The following ANKS1B variants were observed in gnomAD, a reference collection of about 807,000 sequenced individuals.
ANKS1B encodes the protein ankyrin repeat and sterile alpha motif domain containing 1B.
ANKS1B carries 36 observed loss-of-function variants against 148.3 expected under a neutral mutation model. The observed-to-expected ratio is 0.24, with a 90% CI of 0.19 to 0.32. ANKS1B has a LOEUF of 0.32. ANKS1B is among the 10% of genes least tolerant of loss of function. ANKS1B has a pLI of 1.00. For missense variants in ANKS1B, 1,157 were observed against 1,542.6 expected (o/e 0.75, Z 4.19); for synonymous variants, 542 against 560.8 (o/e 0.97, Z 0.47).
At chr12:99,946,756 T>C (rs1037702309) in intron 1 of ANKS1B, among the ~76,000 whole-genome samples, 5 of 152,124 alleles carry the variant, frequency 3.3e-5, no homozygotes, top group African/African-American at 9.7e-5. Context: ...AGCCCTTACA[T>C]GTTAACAGTT....
chr12:99,001,344 A>T (rs1292956057), intron 17 of ANKS1B, among the ~76,000 whole-genome samples: 1 of 151,904 alleles, frequency 6.6e-6, no homozygotes, highest in Non-Finnish European at 1.5e-5. Context: ...GCCCAGGATG[A>T]TCTCAAACTC....
At chr12:99,477,696 T>A (rs1250382940) in intron 10 of ANKS1B, among the ~76,000 whole-genome samples, 2 of 152,208 alleles carry the variant, frequency 1.3e-5, no homozygotes, top group African/African-American at 2.4e-5. Flanking sequence ...ATCATAGATA[T>A]TAAAATATAT....
chr12:99,525,712 T>A (rs956191251), intron 9 of ANKS1B, among the ~76,000 whole-genome samples: 4 of 152,184 alleles, frequency 2.6e-5, no homozygotes, highest in African/African-American at 9.6e-5. Flanking sequence ...TAATTCCTGA[T>A]AAAGATTTAA....
intron 19 of ANKS1B, among the ~76,000 whole-genome samples, chr12:98,810,347 C>T (rs991189375): frequency 2.0e-5 from 3 of 152,230 alleles, no homozygotes; most frequent in Admixed American, 6.5e-5. Context: ...CCACATGTTA[C>T]ATGCATGTTG....
chr12:99,123,680 CCGA>C (rs2063539398), intron 15 of ANKS1B, among the ~76,000 whole-genome samples: 1 of 152,100 alleles, frequency 6.6e-6, no homozygotes, highest in Non-Finnish European at 1.5e-5. Flanking sequence ...AGTCCAAAAG[CCGA>C]CGAATCTGGA....
At chr12:99,373,557 C>A (rs900665030) in intron 12 of ANKS1B, among the ~76,000 whole-genome samples, 1 of 152,118 alleles carries the variant, frequency 6.6e-6, no homozygotes, top group Non-Finnish European at 1.5e-5. Flanking sequence ...CTGAACAACA[C>A]AAAGGCTGAA....
At chr12:99,973,845 G>A (rs1433758129) in intron 1 of ANKS1B, among the ~76,000 whole-genome samples, 1 of 152,132 alleles carries the variant, frequency 6.6e-6, no homozygotes, top group South Asian at 2.1e-4. Flanking sequence ...TTTCACGAGT[G>A]GAATCGACTC....
intron 22 of ANKS1B, among the ~76,000 whole-genome samples, chr12:98,793,785 C>A (rs2098916781): frequency 6.6e-6 from 1 of 152,164 alleles, no homozygotes; most frequent in Non-Finnish European, 1.5e-5. Flanking sequence ...TTACCTCTTA[C>A]AGTAACAGAT....
intron 9 of ANKS1B, among the ~76,000 whole-genome samples, chr12:99,591,104 G>C (rs1645075702): frequency 6.6e-6 from 1 of 151,562 alleles, no homozygotes; most frequent in Non-Finnish European, 1.5e-5. Context: ...CCAGTATGCT[G>C]TATTTTAAAG....
chr12:98,958,388 A>G (rs888764567), intron 17 of ANKS1B, among the ~76,000 whole-genome samples: 2 of 152,222 alleles, frequency 1.3e-5, no homozygotes, highest in Admixed American at 6.5e-5. Context: ...CTAAATGGAT[A>G]TCTGATACTC....
intron 9 of ANKS1B, among the ~76,000 whole-genome samples, chr12:99,523,102 T>C (rs985337340): frequency 3.3e-5 from 5 of 152,206 alleles, no homozygotes; most frequent in African/African-American, 1.2e-4. Flanking sequence ...CTGAATTTGC[T>C]TCCTAGCACA....
At chr12:99,226,639 C>G (rs567725778) in intron 14 of ANKS1B, among the ~76,000 whole-genome samples, 30 of 152,222 alleles carry the variant, frequency 2.0e-4, no homozygotes, top group African/African-American at 6.5e-4. Flanking sequence ...CAGAGAAAAC[C>G]AGTGAGTATC....
At chr12:99,980,278 T>C (rs1238428619) in intron 1 of ANKS1B, among the ~76,000 whole-genome samples, 1 of 151,994 alleles carries the variant, frequency 6.6e-6, no homozygotes, top group Non-Finnish European at 1.5e-5. Flanking sequence ...GAGATAATAA[T>C]TTCATTGTAT....
intron 12 of ANKS1B, among the ~76,000 whole-genome samples, chr12:99,304,857 G>C (rs961139915): frequency 6.6e-6 from 1 of 152,054 alleles, no homozygotes; most frequent in African/African-American, 2.4e-5. Context: ...TGTGTACTTT[G>C]AGATTCCCTT....
At chr12:99,318,354 G>A (rs1330146869) in intron 12 of ANKS1B, among the ~76,000 whole-genome samples, 3 of 152,176 alleles carry the variant, frequency 2.0e-5, no homozygotes, top group Non-Finnish European at 4.4e-5. Context: ...CCTGTAATTG[G>A]TCTATTCAGG....
chr12:99,584,809 C>T (rs116537066), intron 9 of ANKS1B, among the ~76,000 whole-genome samples: 4 of 151,950 alleles, frequency 2.6e-5, no homozygotes, highest in Admixed American at 2.0e-4. Flanking sequence ...ACCAACAGAT[C>T]GCGTGAGACT....
chr12:98,856,459 A>T (rs761406671), intron 17 of ANKS1B, among the ~76,000 whole-genome samples: 36 of 152,218 alleles, frequency 2.4e-4, no homozygotes, highest in Non-Finnish European at 4.1e-4. Flanking sequence ...TGAAATGGAG[A>T]TAATACCAAC....
chr12:98,998,539 T>C (rs1182334678), intron 17 of ANKS1B, among the ~76,000 whole-genome samples: 28 of 152,226 alleles, frequency 1.8e-4, no homozygotes, highest in Admixed American at 1.8e-3. Context: ...TGTGTCCTTA[T>C]ATGAGGGACA....
chr12:99,966,552 A>C (rs1004734666), intron 1 of ANKS1B, among the ~76,000 whole-genome samples: 1 of 152,120 alleles, frequency 6.6e-6, no homozygotes, highest in African/African-American at 2.4e-5. Flanking sequence ...GAAAAAGCTA[A>C]ATTTGTGAGT....
Sources: allele counts gnomAD v4.1 joint callset (sites outside exome capture counted in the v4.1 genomes callset), GRCh38; gene constraint gnomAD v4.1.1; transcripts MANE v1.5; gene names NCBI Gene and HGNC (gene_info 2026-07-23, HGNC 2026-07-21).